The following DEAF1 variants were observed in gnomAD, a reference collection of about 807,000 sequenced individuals.
DEAF1 encodes the protein DEAF1 transcription factor, also known as deformed epidermal autoregulatory factor 1 homolog.
A neutral mutation model predicts 58.9 loss-of-function variants in DEAF1; 53 were observed. The ratio of observed to expected loss-of-function variants is 0.90; its 90% confidence interval spans 0.72 to 1.13. The LOEUF is 1.13. DEAF1 is among the 50% of genes most tolerant of loss of function. DEAF1 has a pLI of 0.00. For missense variants in DEAF1, 685 were observed against 791.4 expected, an observed-to-expected ratio of 0.87 and a Z score of 1.61; for synonymous variants, 385 against 340.4, an observed-to-expected ratio of 1.13 and a Z score of -1.44.
chr11:669,662 G>C (rs1859718836), intron 10 of DEAF1, among the ~76,000 whole-genome samples: 1 of 148,060 alleles, frequency 6.8e-6, no homozygotes, highest in South Asian at 2.1e-4. Context: ...AGGTGCGGTG[G>C]CTCATGCCTG....
intron 11 of DEAF1, among the ~76,000 whole-genome samples, chr11:647,925 GT>G (rs1858576926): frequency 7.6e-4 from 1 of 1,310 alleles, no homozygotes; most frequent in Admixed American, 7.4e-3. Flanking sequence ...CTGGGAGCAG[GT>G]GGGTGGACTT....
In DEAF1 at chr11:684,816, C is replaced by T. The variant is rs993571544; in HGVS notation, c.870+82G>A. 52 of 1,244,772 alleles carry T rather than the reference C, an allele frequency of 4.2e-5. No individual in the cohort carries two copies. In the African/African-American group the frequency reaches 6.1e-4, roughly 15 times the overall value. 77.1% of individuals were successfully genotyped at this position (1,244,772 alleles called of 1,614,324 possible). On this transcript the variant is annotated intron_variant, in intron 6 of 11. Transcript: ENST00000382409. ...AGGCAGAGGGCAGGAGGGAAACAGC[C>T]GAGAGGCCAAGGGCTGTGGGACCCA...
intron 9 of DEAF1, among the ~76,000 whole-genome samples, chr11:676,005 GGCACCCGACACCCCCCA>G (rs1430554842): frequency 5.6e-4 from 8 of 14,316 alleles, no homozygotes; most frequent in Admixed American, 1.2e-3. Flanking sequence ...GGCACCCCCC[GGCACCCGACACCCCCCA>G]GCACCCGACA....
chr11:670,645 A>G (rs1443962739), intron 10 of DEAF1, among the ~76,000 whole-genome samples: 1 of 151,368 alleles, frequency 6.6e-6, no homozygotes, highest in Non-Finnish European at 1.5e-5. Flanking sequence ...AACCTGGGAG[A>G]TGGAGGCTGC....
At chr11:656,845 G>C (rs4963126) in intron 10 of DEAF1, among the ~76,000 whole-genome samples, 1 of 152,012 alleles carries the variant, frequency 6.6e-6, no homozygotes. Context: ...TGGGCCTTTC[G>C]CGGTATGCCC....
intron 8 of DEAF1, 143 bp downstream of exon 8, chr11:679,545 C>A (rs911990889): frequency 1.5e-6 from 2 of 1,313,960 alleles, no homozygotes; most frequent in Middle Eastern, 1.9e-4. Flanking sequence ...GTGGCTCACA[C>A]GCTGTCCCCA....
chr11:674,371 T>C, intron 10 of DEAF1, 165 bp downstream of exon 10: 3 of 994,798 alleles, frequency 3.0e-6, no homozygotes, highest in Non-Finnish European at 4.6e-6. Flanking sequence ...CACTTTTCTT[T>C]AGGAAAAGCT....
chr11:699,021 T>A, upstream of DEAF1: 1 of 1,070,078 alleles, frequency 9.3e-7, no homozygotes, highest in Non-Finnish European at 1.4e-6. Context: ...GGGGTGTTCC[T>A]TGACAGATTT....
intron 9 of DEAF1, among the ~76,000 whole-genome samples, chr11:675,879 C>G (rs1860026612): frequency 6.6e-6 from 1 of 151,658 alleles, no homozygotes; most frequent in Non-Finnish European, 1.5e-5. Context: ...AAAAACTGAC[C>G]AGCAAACAAC....
chr11:661,385 T>A (rs893000245), intron 10 of DEAF1, among the ~76,000 whole-genome samples: 3 of 151,970 alleles, frequency 2.0e-5, no homozygotes, highest in African/African-American at 7.3e-5. Flanking sequence ...TAGCTTCAGC[T>A]GGGCTACATT....
Position 644,270 on chromosome 11 carries a change from T to G in DEAF1, c.*280A>C. 1.8e-6 allele frequency: 1 copy of G among 540,934 alleles called. No homozygotes were observed. The highest frequency in any genetic ancestry group is 3.4e-6 in the Non-Finnish European group (1 of 297,848). 33.5% of individuals were successfully genotyped at this position (540,934 alleles called of 1,614,324 possible). A position where few individuals can be genotyped will look rare whatever the true frequency, so the allele number is the denominator to read the frequency against. ...ACTTTATTGACAGACACAACACGTA[T>G]GTATGTGCGTCGCAGCACAGGCCCT... On this transcript the variant is annotated 3_prime_UTR_variant, in exon 12 of 12. Coordinates refer to ENST00000382409, the MANE Select transcript of DEAF1 (RefSeq NM_021008.4). This position sits in a 1 kb window ranked among gnomAD's most constrained non-coding sequence, Gnocchi z 4.3.
At chr11:693,809 T>G (rs1486413038) in intron 1 of DEAF1, among the ~76,000 whole-genome samples, 1 of 152,132 alleles carries the variant, frequency 6.6e-6, no homozygotes, top group Non-Finnish European at 1.5e-5. Context: ...GGCAAGAAAC[T>G]ATAAGCAGCT....
chr11:667,090 C>T (rs1463111822), intron 10 of DEAF1, among the ~76,000 whole-genome samples: 1 of 151,820 alleles, frequency 6.6e-6, no homozygotes, highest in African/African-American at 2.4e-5. Flanking sequence ...GTCCCAGCTA[C>T]TCAGAAGGCT....
At chr11:663,892 A>G (rs1361884358) in intron 10 of DEAF1, among the ~76,000 whole-genome samples, 1 of 152,188 alleles carries the variant, frequency 6.6e-6, no homozygotes, top group Non-Finnish European at 1.5e-5. Context: ...CTGAAGCTAT[A>G]TGTTCATTTA....
At chr11:660,909 C>A (rs549337536) in intron 10 of DEAF1, among the ~76,000 whole-genome samples, 1 of 152,190 alleles carries the variant, frequency 6.6e-6, no homozygotes, top group South Asian at 2.1e-4. Flanking sequence ...GAGAGGCCCC[C>A]GCAGGGAAGC....
chr11:658,689 G>C (rs1282795181), intron 10 of DEAF1, among the ~76,000 whole-genome samples: 1 of 152,228 alleles, frequency 6.6e-6, no homozygotes, highest in Non-Finnish European at 1.5e-5. Context: ...GGCCGCAGGC[G>C]GGCAGAGGAG....
intron 10 of DEAF1, among the ~76,000 whole-genome samples, chr11:671,164 G>C (rs547317625): frequency 6.6e-6 from 1 of 151,100 alleles, no homozygotes; most frequent in Non-Finnish European, 1.5e-5. Flanking sequence ...TCCTGACCTC[G>C]TGATCCGCCC....
intron 1 of DEAF1, chr11:704,123 C>T: frequency 8.9e-7 from 1 of 1,129,648 alleles, no homozygotes. Context: ...GTGTATGCCT[C>T]CCTGAATTCT....
chr11:650,373 CAAAAAAAAAAA>C (rs796351710), intron 11 of DEAF1, among the ~76,000 whole-genome samples: 5 of 22,250 alleles, frequency 2.2e-4, no homozygotes, highest in African/African-American at 7.2e-4. Context: ...CAGTCCGTCT[CAAAAAAAAAAA>C]AAAAAAAAAA....
Sources: gnomAD v4.1 joint callset for allele counts (sites outside exome capture counted in the v4.1 genomes callset) on GRCh38, gnomAD v4.1.1 for gene constraint, Gnocchi (gnomAD v3.1) non-coding constraint, MANE v1.5 for transcripts, NCBI Gene and HGNC (gene_info 2026-07-23, HGNC 2026-07-21) for gene names.